LUZP2: variants seen among roughly 807,000 people sequenced by gnomAD.
LUZP2 encodes leucine zipper protein 2.
LUZP2 carries 52 observed loss-of-function variants against 51.6 expected under a neutral mutation model. That is an observed-to-expected ratio of 1.01 (90% CI 0.81 to 1.27). The LOEUF is 1.27. LUZP2 is among the 50% of genes most tolerant of loss of function. The probability of loss-of-function intolerance (pLI) is 0.00; values close to 1 mark genes in which losing one functional copy is unlikely to be tolerated. For synonymous variants in LUZP2, 154 were observed against 137.3 expected (o/e 1.12, Z -0.85); for missense variants, 436 against 395.4 (o/e 1.10, Z -0.87).
chr11:25,054,220 A>G (rs1367726623), intron 10 of LUZP2, among the ~76,000 whole-genome samples: 3 of 152,090 alleles, frequency 2.0e-5, no homozygotes, highest in African/African-American at 7.2e-5. Context: ...CAGTCTGTTC[A>G]GCTTTTTGCT....
chr11:24,882,009 T>G (rs1852484816), intron 5 of LUZP2, among the ~76,000 whole-genome samples: 1 of 152,028 alleles, frequency 6.6e-6, no homozygotes, highest in African/African-American at 2.4e-5. Context: ...GATCTTAAAT[T>G]CTTAGCTATG....
rs1596852 is a variant in LUZP2 at position 25,036,665 on chromosome 11, A to C, written c.766-13373A>C. On this transcript the variant is annotated intron_variant, in intron 9 of 11. Coordinates refer to ENST00000336930, the MANE Select transcript of LUZP2 (RefSeq NM_001009909.4). ...CATCCCAGAGATCTGAGCAAGTTGTATCCCAATTTTCATTAATTTCAAATA... is the reference window on the plus strand; with the variant it reads ...CATCCCAGAGATCTGAGCAAGTTGTCTCCCAATTTTCATTAATTTCAAATA... Among the ~76,000 whole-genome samples the C allele has an allele frequency of 2.0e-5, 3 of 151,654 alleles. No individual in the cohort carries two copies. In the East Asian group the frequency reaches 5.8e-4, roughly 29 times the overall value.
chr11:24,686,974 C>T (rs1856914051), intron 1 of LUZP2, among the ~76,000 whole-genome samples: 1 of 152,022 alleles, frequency 6.6e-6, no homozygotes, highest in Admixed American at 6.6e-5. Context: ...GTCACTGGTG[C>T]CCCAAGGCGA....
chr11:24,784,802 T>C (rs887631047), intron 5 of LUZP2, among the ~76,000 whole-genome samples: 1 of 152,054 alleles, frequency 6.6e-6, no homozygotes, highest in African/African-American at 2.4e-5. Context: ...TATTTTCTAA[T>C]GTATTATTAT....
intron 1 of LUZP2, among the ~76,000 whole-genome samples, chr11:24,635,964 A>G (rs1855091011): frequency 6.6e-6 from 1 of 152,192 alleles, no homozygotes; most frequent in Non-Finnish European, 1.5e-5. Flanking sequence ...TGCTATCCTT[A>G]CATATTGTCA....
intron 1 of LUZP2, among the ~76,000 whole-genome samples, chr11:24,656,787 C>G (rs1590303873): frequency 6.6e-6 from 1 of 152,134 alleles, no homozygotes; most frequent in African/African-American, 2.4e-5. Flanking sequence ...CTTTGCGCTC[C>G]GAGCCCCTCT....
intron 9 of LUZP2, among the ~76,000 whole-genome samples, chr11:25,009,071 G>A (rs1021853652): frequency 2.0e-5 from 3 of 152,052 alleles, no homozygotes; most frequent in Non-Finnish European, 4.4e-5. Flanking sequence ...TATACAAAAA[G>A]GTAAAAACTT....
chr11:24,653,043 G>A (rs938550451), intron 1 of LUZP2, among the ~76,000 whole-genome samples: 2 of 152,140 alleles, frequency 1.3e-5, no homozygotes, highest in Non-Finnish European at 2.9e-5. Context: ...TAGTGGTGGG[G>A]AACAAAATAT....
chr11:24,605,009 G>A (rs747892912), intron 1 of LUZP2, among the ~76,000 whole-genome samples: 3 of 151,594 alleles, frequency 2.0e-5, no homozygotes, highest in Non-Finnish European at 4.4e-5. Context: ...TTCCAAACAC[G>A]GCTGGATATA....
chr11:25,028,551 C>T (rs1009471556), intron 9 of LUZP2, among the ~76,000 whole-genome samples: 2 of 152,190 alleles, frequency 1.3e-5, no homozygotes, highest in Non-Finnish European at 2.9e-5. Context: ...GAAAGACCAT[C>T]TTTGCACGTT....
chr11:24,685,066 A>G (rs1856858243), intron 1 of LUZP2, among the ~76,000 whole-genome samples: 1 of 150,470 alleles, frequency 6.6e-6, no homozygotes. Flanking sequence ...TGTGTTTTCC[A>G]TATCTATCCA....
intron 1 of LUZP2, among the ~76,000 whole-genome samples, chr11:24,600,590 C>A (rs1853597303): frequency 6.6e-6 from 1 of 152,094 alleles, no homozygotes; most frequent in Non-Finnish European, 1.5e-5. Context: ...CACTTGGAAG[C>A]TTTGTATTTT....
At chr11:24,718,570 A>G (rs1858144703) in intron 1 of LUZP2, among the ~76,000 whole-genome samples, 1 of 95,928 alleles carries the variant, frequency 1.0e-5, no homozygotes, top group South Asian at 3.2e-4. Context: ...GGAATTTCTT[A>G]ACCATTGGTG....
At chr11:24,853,984 C>T (rs1039847047) in intron 5 of LUZP2, among the ~76,000 whole-genome samples, 3 of 152,178 alleles carry the variant, frequency 2.0e-5, no homozygotes, top group Admixed American at 1.3e-4. Flanking sequence ...CTGTTCCTCC[C>T]TCTGGAGGCT....
intron 5 of LUZP2, among the ~76,000 whole-genome samples, chr11:24,815,278 C>T (rs1850146889): frequency 6.6e-6 from 1 of 152,102 alleles, no homozygotes; most frequent in Admixed American, 6.6e-5. Context: ...GTGAATGAAT[C>T]ATCTATGTTA....
chr11:24,842,504 G>T lies in LUZP2; in HGVS notation c.397-63487G>T, dbSNP rs185755015. On this transcript the variant is annotated intron_variant, in intron 5 of 11. Transcript: ENST00000336930. ...ATATTAATTGCACAACCAACAAGGC[G>T]AATTCAGCAAGCAAATGTTGACCTC... Among the ~76,000 whole-genome samples, 3 of 151,818 alleles carry T rather than the reference G, an allele frequency of 2.0e-5. No homozygotes were observed. In the East Asian group the frequency reaches 5.8e-4, roughly 29 times the overall value.
At chr11:24,728,589 C>G (rs1858583537) in intron 1 of LUZP2, among the ~76,000 whole-genome samples, 1 of 151,912 alleles carries the variant, frequency 6.6e-6, no homozygotes, top group East Asian at 1.9e-4. Context: ...TAAAACATCT[C>G]ATTTACTTTC....
intron 5 of LUZP2, among the ~76,000 whole-genome samples, chr11:24,870,711 C>T (rs925442979): frequency 2.6e-5 from 4 of 152,090 alleles, no homozygotes; most frequent in Non-Finnish European, 4.4e-5. Flanking sequence ...ATTTTTATTT[C>T]TGCCACAGAC....
At chr11:24,643,528 G>T (rs372664896) in intron 1 of LUZP2, among the ~76,000 whole-genome samples, 1 of 152,048 alleles carries the variant, frequency 6.6e-6, no homozygotes, top group Non-Finnish European at 1.5e-5. Context: ...TTGCTAATGC[G>T]CAGTACAGAT....
Sources: gnomAD v4.1 joint callset for allele counts (sites outside exome capture counted in the v4.1 genomes callset) on GRCh38, gnomAD v4.1.1 for gene constraint, MANE v1.5 for transcripts, NCBI Gene and HGNC (gene_info 2026-07-23, HGNC 2026-07-21) for gene names.